DNAH7: variants seen among roughly 807,000 people sequenced by gnomAD.
DNAH7 encodes the protein dynein axonemal heavy chain 7.
A neutral mutation model predicts 444.6 loss-of-function variants in DNAH7; 397 were observed. The ratio of observed to expected loss-of-function variants is 0.89; its 90% CI spans 0.82 to 0.97. DNAH7 has a LOEUF of 0.97. DNAH7 is among the 50% of genes least tolerant of loss of function. The pLI is 0.00. For missense variants in DNAH7, 4,902 were observed against 4,800.8 expected (o/e 1.02, Z -0.62); for synonymous variants, 1,636 against 1,624.4 (o/e 1.01, Z -0.17).
chr2:195,926,440 G>C lies in DNAH7; in HGVS notation c.3598C>G (p.Pro1200Ala). 6.3e-6 allele frequency: 10 copies of C among 1,587,368 alleles called. No homozygotes were observed. The highest frequency in any genetic ancestry group is 8.6e-6 in the Non-Finnish European group (10 of 1,168,964). Residue 1200 changes from proline to alanine, a missense_variant, in exon 22 of 65, where the codon CCA (proline) becomes GCA (alanine). Pro to Ala is a conservative substitution (Grantham distance 27). Transcript: ENST00000312428. ...FWTKEVQTAI[P>A]MGIKALEQYL... The stretch of plus-strand genomic sequence containing the variant: ...TAAAACCTTACCTTTATCCCCATTG[G>C]AATAGCTGTTTGTACTTCTTTTGTC...
In DNAH7 at chr2:195,970,082, G is replaced by A. The variant is rs371770055; in HGVS notation, c.2071C>T (p.Arg691Trp). 5.2e-5 allele frequency: 83 copies of A among 1,605,752 alleles called. No individual in the cohort carries two copies. The highest frequency in any genetic ancestry group is 3.3e-4 in the Middle Eastern group (2 of 6,022). Residue 691 changes from arginine (R) to tryptophan (W), a missense_variant, in exon 17 of 65, where the codon CGG becomes TGG. Coordinates refer to ENST00000312428, the MANE Select transcript of DNAH7 (RefSeq NM_018897.3). ...TAACTCTCCAATTCCTCCACAAACC[G>A]TTCACACCGTAACTAATAAAAACAA... ...YQEGLKLRCE[R>W]FVEELESYAK...
chr2:195,743,824 G>C (rs1407501608), intron 63 of DNAH7, among the ~76,000 whole-genome samples: 1 of 152,174 alleles, frequency 6.6e-6, no homozygotes, highest in Non-Finnish European at 1.5e-5. Context: ...AGTAAATAAA[G>C]TTCAAGATTT....
chr2:195,799,618 A>G (rs1039315907), intron 54 of DNAH7, 146 bp from the exon 55 acceptor site: 37 of 507,510 alleles, frequency 7.3e-5, no homozygotes, highest in Non-Finnish European at 1.3e-5. Flanking sequence ...CAAGGCATCA[A>G]TGTTTATATA....
intron 19 of DNAH7, among the ~76,000 whole-genome samples, chr2:195,950,398 G>C (rs1690139057): frequency 6.6e-6 from 1 of 152,148 alleles, no homozygotes; most frequent in Non-Finnish European, 1.5e-5. Context: ...TTATGCAGAG[G>C]TGTTTATAGT....
intron 5 of DNAH7, among the ~76,000 whole-genome samples, chr2:196,030,985 A>G (rs1696019031): frequency 6.6e-6 from 1 of 152,204 alleles, no homozygotes; most frequent in Admixed American, 6.5e-5. Flanking sequence ...GTGCCCCAGT[A>G]GGGACTCTGA....
chr2:195,858,302 G>A (rs1699826326), intron 43 of DNAH7, among the ~76,000 whole-genome samples, 172 bp downstream of exon 43: 1 of 152,196 alleles, frequency 6.6e-6, no homozygotes, highest in African/African-American at 2.4e-5. Flanking sequence ...GCATGCACAT[G>A]CATTTCTTTT....
chr2:195,761,637 C>T (rs1457840644), intron 61 of DNAH7, among the ~76,000 whole-genome samples: 1 of 152,096 alleles, frequency 6.6e-6, no homozygotes, highest in African/African-American at 2.4e-5. Context: ...TGGCAGCAGA[C>T]TTTTCATTGG....
rs1694149742 is a variant in DNAH7 at position 196,003,134 on chromosome 2, G to A, written c.990-1276C>T. Among the ~76,000 whole-genome samples the A allele has an allele frequency of 2.0e-5, 3 of 151,158 alleles. No individual in the cohort carries two copies. The South Asian group carries it at 6.3e-4, about 32-fold the overall frequency. The stretch of plus-strand genomic sequence containing the variant: ...ATTTTCCATTTAAATAATGAAGAAG[G>A]GTTTCATAGTGAAGATGGCAATTTC... On this transcript the variant is annotated intron_variant, in intron 10 of 64. Coordinates refer to ENST00000312428, the MANE Select transcript of DNAH7 (RefSeq NM_018897.3).
chr2:195,830,524 T>A (rs1338703806), intron 48 of DNAH7, among the ~76,000 whole-genome samples: 1 of 152,134 alleles, frequency 6.6e-6, no homozygotes, highest in African/African-American at 2.4e-5. Flanking sequence ...TCAGCACCTA[T>A]CAGGTGCCCT....
chr2:196,065,630 T>C (rs752613797), intron 1 of DNAH7, among the ~76,000 whole-genome samples: 9 of 152,292 alleles, frequency 5.9e-5, no homozygotes, highest in Non-Finnish European at 1.2e-4. Context: ...GGCAGAAAGT[T>C]TAGGATATTT....
In DNAH7 at chr2:195,910,116, T is replaced by G; in HGVS notation, c.4015A>C (p.Lys1339Gln). ...PAGTGKTETT[K>Q]DLAKAVAKQC... ...TTGGCTACAGCTTTTGCCAAATCCTTGGTAGTTTCAGTCTTCCCAGTGCCA... is the reference window on the plus strand; with the variant it reads ...TTGGCTACAGCTTTTGCCAAATCCTGGGTAGTTTCAGTCTTCCCAGTGCCA... The change falls in exon 25 of 65, where the codon AAG becomes CAG. Residue 1339 changes from lysine (K) to glutamine (Q), a missense_variant. By Grantham distance (53) the Lys-to-Gln change is moderately conservative. Transcript: ENST00000312428. The G allele has an allele frequency of 1.9e-6, 3 of 1,613,906 alleles. No homozygotes were observed. Among genetic ancestry groups the G allele is most frequent in the Non-Finnish European group, 2.5e-6 (3 of 1,179,864 alleles).
chr2:196,021,304 G>C (rs753807776), intron 8 of DNAH7, among the ~76,000 whole-genome samples: 4 of 152,056 alleles, frequency 2.6e-5, no homozygotes, highest in Non-Finnish European at 4.4e-5. Context: ...ACTCATAAAT[G>C]TAACGTTAGG....
chr2:196,028,336 T>C (rs1004793993), intron 5 of DNAH7, among the ~76,000 whole-genome samples: 4 of 152,172 alleles, frequency 2.6e-5, no homozygotes, highest in Non-Finnish European at 5.9e-5. Context: ...TCAAGCTCTC[T>C]CTTCTCTGAA....
intron 19 of DNAH7, among the ~76,000 whole-genome samples, chr2:195,949,035 AT>A (rs1286566349): frequency 6.6e-6 from 1 of 151,812 alleles, no homozygotes; most frequent in Non-Finnish European, 1.5e-5. Flanking sequence ...ATTCCTAGGT[AT>A]TTTATTCTTT....
At chr2:196,008,977 G>GCTT (rs57242610) in intron 10 of DNAH7, among the ~76,000 whole-genome samples, 25,516 of 151,968 alleles carry the variant, frequency 0.17, 3,489 homozygotes, top group African/African-American at 0.38. Flanking sequence ...TATAATTACG[G>GCTT]CAGAAGGTGA....
chr2:195,798,996 C>CA (rs934053201), intron 55 of DNAH7, among the ~76,000 whole-genome samples: 1 of 152,136 alleles, frequency 6.6e-6, no homozygotes, highest in Non-Finnish European at 1.5e-5. Context: ...TAAATCAACC[C>CA]AAGTTCATAC....
rs199952576 is a variant in DNAH7 at position 195,743,684 on chromosome 2, C to T, written c.11765-2815G>A. Among the ~76,000 whole-genome samples, 23 of 152,294 alleles carry T rather than the reference C, an allele frequency of 1.5e-4. No individual in the cohort carries two copies. In the East Asian group the frequency reaches 4.4e-3, roughly 29 times the overall value. On this transcript the variant is annotated intron_variant, in intron 63 of 64. Coordinates refer to ENST00000312428, the MANE Select transcript of DNAH7 (RefSeq NM_018897.3). ...ATTCCTTGGGGAAAAACCCATTTATCTAAATCATTCCATGGATTCTCTATT... is the reference window on the plus strand; with the variant it reads ...ATTCCTTGGGGAAAAACCCATTTATTTAAATCATTCCATGGATTCTCTATT...
At chr2:195,775,822 C>A in intron 60 of DNAH7, 24 bp downstream of exon 60, 1 of 1,605,308 alleles carries the variant, frequency 6.2e-7, no homozygotes, top group Non-Finnish European at 8.5e-7. Flanking sequence ...GCCTCAGAAT[C>A]CAGGTCCTAT....
intron 10 of DNAH7, among the ~76,000 whole-genome samples, chr2:196,007,278 T>C (rs1317514073): frequency 1.3e-5 from 2 of 152,080 alleles, no homozygotes; most frequent in African/African-American, 4.8e-5. Context: ...AACCCTCCCA[T>C]ATATGGTCAA....
Sources: gnomAD v4.1 joint callset for allele counts (sites outside exome capture counted in the v4.1 genomes callset) on GRCh38, gnomAD v4.1.1 for gene constraint, MANE v1.5 for transcripts, NCBI Gene and HGNC (gene_info 2026-07-23, HGNC 2026-07-21) for gene names.